The following RP1 variants were observed in gnomAD, a reference collection of about 807,000 sequenced individuals.
The protein encoded by RP1 is RP1 axonemal microtubule associated.
A neutral mutation model predicts 14.8 loss-of-function variants in RP1; 16 were observed. The ratio of observed to expected loss-of-function variants is 1.08; its 90% CI spans 0.73 to 1.65. RP1 has a LOEUF of 1.65. Ranked by LOEUF, RP1 falls within the 40% of genes most tolerant of loss-of-function variation. RP1 has a pLI of 0.00. For missense variants in RP1, 2,631 were observed against 2,535.0 expected (o/e 1.04, Z -0.81); for synonymous variants, 876 against 883.6 (o/e 0.99, Z 0.15).
intron 15 of RP1, among the ~76,000 whole-genome samples, chr8:54,710,081 G>GTTCTCCCATTCTAGGGC (rs1158953012): frequency 6.6e-6 from 1 of 152,160 alleles, no homozygotes; most frequent in East Asian, 1.9e-4. Context: ...ACCTCTAGGG[G>GTTCTCCCATTCTAGGGC]TTCTCCCATT....
chr8:54,820,284 C>G (rs1011546902), intron 24 of RP1, among the ~76,000 whole-genome samples: 3 of 152,170 alleles, frequency 2.0e-5, no homozygotes, highest in African/African-American at 7.2e-5. Flanking sequence ...CTTGGCCACT[C>G]CAGCTTGTGT....
At chr8:54,835,462 C>T (rs570463999) in intron 24 of RP1, among the ~76,000 whole-genome samples, 3 of 152,134 alleles carry the variant, frequency 2.0e-5, no homozygotes, top group African/African-American at 7.2e-5. Context: ...CAGGGTTTAT[C>T]AATTTTAATT....
chr8:54,772,559 T>TA, downstream of RP1, among the ~76,000 whole-genome samples: 1 of 152,316 alleles, frequency 6.6e-6, no homozygotes, highest in East Asian at 1.9e-4. Flanking sequence ...TTGTGTAGTC[T>TA]AAGTGTTCCA....
At chr8:54,592,273 T>G (rs1007743041) in intron 1 of RP1, among the ~76,000 whole-genome samples, 2 of 152,212 alleles carry the variant, frequency 1.3e-5, no homozygotes, top group African/African-American at 4.8e-5. Context: ...CTTGTGCAAT[T>G]TGGGAGAGAG....
intron 6 of RP1, among the ~76,000 whole-genome samples, chr8:54,661,898 A>G (rs1422418642): frequency 1.3e-5 from 2 of 152,086 alleles, no homozygotes; most frequent in African/African-American, 4.8e-5. Context: ...GAGCCTCTTC[A>G]GTGAGTTTTA....
rs759930573 is a variant in RP1 at position 54,628,210 on chromosome 8, G to A, written c.4328G>A (p.Arg1443Gln). Residue 1443 changes from arginine (R) to glutamine (Q), a missense_variant, in exon 4 of 4, where the codon CGG (arginine) becomes CAG (glutamine). Arg to Gln is a conservative substitution (Grantham distance 43). Transcript: ENST00000220676. ...ACTTCCTTTGATATGGAAGAACCAC[G>A]GACTTCTGAAGAACCAGGCTCAATA... The part of the protein sequence containing the change: ...AYTSFDMEEP[R>Q]TSEEPGSITN... 15 of 1,613,782 alleles carry A rather than the reference G, an allele frequency of 9.3e-6. No homozygotes were observed. The highest frequency in any genetic ancestry group is 1.1e-5 in the Non-Finnish European group (13 of 1,179,914).
At chr8:54,819,599 T>C (rs1811209008) in intron 24 of RP1, among the ~76,000 whole-genome samples, 1 of 152,134 alleles carries the variant, frequency 6.6e-6, no homozygotes, top group African/African-American at 2.4e-5. Flanking sequence ...TCTGTACCTA[T>C]TTTTTAAGAG....
intron 24 of RP1, among the ~76,000 whole-genome samples, chr8:54,809,218 T>C (rs374676344): frequency 2.0e-5 from 3 of 152,248 alleles, no homozygotes; most frequent in African/African-American, 7.2e-5. Flanking sequence ...GAGCTCTTTC[T>C]AAAGTTTAGT....
intron 3 of RP1, among the ~76,000 whole-genome samples, chr8:54,622,780 A>G (rs1362184415): frequency 6.6e-6 from 1 of 152,230 alleles, no homozygotes; most frequent in Admixed American, 6.5e-5. Flanking sequence ...TTATTAAATA[A>G]AAGGTTCATG....
intron 1 of RP1, among the ~76,000 whole-genome samples, chr8:54,586,622 C>T (rs905570990): frequency 1.3e-5 from 2 of 151,992 alleles, no homozygotes; most frequent in African/African-American, 4.8e-5. Flanking sequence ...AGGCAGGCCT[C>T]CTTGAGGTGC....
chr8:54,721,043 T>C (rs1808523562), intron 16 of RP1, among the ~76,000 whole-genome samples: 1 of 152,226 alleles, frequency 6.6e-6, no homozygotes, highest in Admixed American at 6.5e-5. Context: ...TAGCTTCTAT[T>C]GGCTTATGAG....
intron 5 of RP1, among the ~76,000 whole-genome samples, chr8:54,655,338 G>C (rs1330985871): frequency 6.6e-6 from 1 of 152,098 alleles, no homozygotes; most frequent in Non-Finnish European, 1.5e-5. Flanking sequence ...TTCAGAAAAG[G>C]CTAGACTTTA....
intron 24 of RP1, chr8:54,783,799 C>A: frequency 1.1e-6 from 1 of 898,516 alleles, no homozygotes; most frequent in Non-Finnish European, 1.5e-6. Flanking sequence ...TTTTGTTGTT[C>A]TTTTGGTATT....
In RP1 at chr8:54,692,741, C is replaced by T. The variant is rs565834058; in HGVS notation, c.1718-6726C>T. Among the ~76,000 whole-genome samples the T allele has an allele frequency of 2.9e-3, 428 of 149,106 alleles. 3 individuals are homozygous for T. The highest frequency in any genetic ancestry group is 9.3e-3 in the African/African-American group (374 of 40,170). On this transcript the variant is annotated intron_variant, in intron 12 of 22. Transcript: ENST00000636932. ...AGCCCTTTGTCAGATGAGTAGGTTG[C>T]GAAAATTTTCTCCCATTCTGTAGGT...
chr8:54,727,048 T>C (rs1808673902), intron 17 of RP1, among the ~76,000 whole-genome samples: 1 of 152,090 alleles, frequency 6.6e-6, no homozygotes, highest in Non-Finnish European at 1.5e-5. Flanking sequence ...TAGGGGACCA[T>C]CTCTGGGGGA....
At chr8:54,679,237 C>G (rs746797757) in intron 9 of RP1, among the ~76,000 whole-genome samples, 3 of 152,206 alleles carry the variant, frequency 2.0e-5, no homozygotes, top group Non-Finnish European at 4.4e-5. Flanking sequence ...TTCTACCTCC[C>G]TTGCAGTCTT....
At chr8:54,598,139 C>T (rs754178673) in intron 1 of RP1, among the ~76,000 whole-genome samples, 54 of 151,916 alleles carry the variant, frequency 3.6e-4, no homozygotes, top group Non-Finnish European at 5.4e-4. Context: ...AATAATTTAA[C>T]GTAATTATTG....
At chr8:54,631,381 A>C (rs550789491), downstream of RP1, among the ~76,000 whole-genome samples, 5 of 152,330 alleles carry the variant, frequency 3.3e-5, no homozygotes, top group East Asian at 7.7e-4. Context: ...GTAGTGAATG[A>C]AAGGGCACAA....
chr8:54,804,672 G>C (rs531390089), intron 24 of RP1, among the ~76,000 whole-genome samples: 1 of 152,112 alleles, frequency 6.6e-6, no homozygotes, highest in Non-Finnish European at 1.5e-5. Context: ...AAGATACTTC[G>C]TAATGTTAAA....
Sources: allele counts gnomAD v4.1 joint callset (sites outside exome capture counted in the v4.1 genomes callset), GRCh38; gene constraint gnomAD v4.1.1; transcripts MANE v1.5; gene names NCBI Gene and HGNC (gene_info 2026-07-23, HGNC 2026-07-21).